Variants in EFHC2 observed in about 807,000 individuals in gnomAD.
EFHC2 encodes EF-hand domain-containing family member C2.
In EFHC2, 18 loss-of-function variants were observed where a neutral mutation model predicts 52.7. The observed-to-expected ratio is 0.34, with a 90% CI of 0.24 to 0.51. EFHC2 has a LOEUF of 0.51. EFHC2 is among the 20% of genes least tolerant of loss of function. The pLI, the probability that EFHC2 is intolerant of heterozygous loss-of-function variation, is 0.97. For missense variants in EFHC2, 513 were observed against 562.5 expected, an observed-to-expected ratio of 0.91 and a Z score of 0.89; for synonymous variants, 203 against 204.1, an observed-to-expected ratio of 0.99 and a Z score of 0.04.
intron 8 of EFHC2, among the ~76,000 whole-genome samples, chrX:44,241,466 C>T (rs1005628628): frequency 4.5e-5 from 5 of 112,181 alleles, no homozygotes; most frequent in African/African-American, 9.7e-5. Flanking sequence ...TTTAAAAACA[C>T]GTATAAATCC....
At chrX:44,242,914 A>G (rs1176769771) in intron 7 of EFHC2, among the ~76,000 whole-genome samples, 2 of 112,072 alleles carry the variant, frequency 1.8e-5, no homozygotes, top group African/African-American at 6.5e-5. Flanking sequence ...GTTAAGCCCA[A>G]GAAAAGACTA....
chrX:44,224,387 C>T (rs949967380), intron 11 of EFHC2, among the ~76,000 whole-genome samples: 17 of 112,002 alleles, frequency 1.5e-4, no homozygotes, highest in African/African-American at 5.5e-4. Flanking sequence ...TTACTATCCC[C>T]ATTTTACAGA....
At position 44,312,727 on chromosome X, in the gene EFHC2, T is replaced by C; in HGVS notation, c.72A>G (p.Gln24=). 8.3e-7 allele frequency: 1 copy of C among 1,204,486 alleles called. No individual in the cohort carries two copies. The highest frequency in any genetic ancestry group is 2.2e-5 in the Admixed American group (1 of 44,834). The change falls in exon 2 of 15, where the codon CAA becomes CAG. Residue 24 remains glutamine, a synonymous_variant. Coordinates refer to ENST00000420999, the MANE Select transcript of EFHC2 (RefSeq NM_025184.4). ...NVGKEKFHKS[Q]HWGFCNNVMM... ...TAACATTGTTGCAAAAGCCCCAATG[T>C]TGGGATTTGTGAAACTTCTCCTTTC...
At chrX:44,250,515 A>G in intron 4 of EFHC2, 70 bp from the exon 5 acceptor site, 1 of 1,081,073 alleles carries the variant, frequency 9.3e-7, no homozygotes, top group Non-Finnish European at 1.2e-6. Flanking sequence ...TACACAATCA[A>G]GTGACAAATA....
rs1272474162 is a variant in EFHC2, at chrX:44,312,765, A to G, written c.43-9T>C. 3.4e-6 allele frequency: 4 copies of G among 1,176,142 alleles called. No homozygotes were observed. The Admixed American group carries it at 7.6e-5, about 22-fold the overall frequency. On this transcript the variant is annotated splice_polypyrimidine_tract_variant and intron_variant, in intron 1 of 14. Coordinates refer to ENST00000420999, the MANE Select transcript of EFHC2 (RefSeq NM_025184.4). ...AACTTCTCCTTTCCCACCTGTGAAC[A>G]TAAGAGACAACATAAAATAGCCAAA...
chrX:44,237,011 C>T (rs765796840), intron 8 of EFHC2, among the ~76,000 whole-genome samples: 6 of 110,215 alleles, frequency 5.4e-5, no homozygotes, highest in Non-Finnish European at 1.1e-4. Context: ...GTTCAATATG[C>T]CTTTTTTTTT....
chrX:44,219,241 G>A (rs2037176334), intron 11 of EFHC2, among the ~76,000 whole-genome samples: 1 of 109,894 alleles, frequency 9.1e-6, no homozygotes, highest in Non-Finnish European at 1.9e-5. Context: ...GACTAGGATG[G>A]AGCATGAGGG....
intron 11 of EFHC2, among the ~76,000 whole-genome samples, chrX:44,218,199 ATAT>A (rs1174536735): frequency 9.0e-6 from 1 of 111,553 alleles, no homozygotes; most frequent in East Asian, 2.8e-4. Context: ...GTTAACTAAG[ATAT>A]TATTTTAGTG....
At chrX:44,186,933 C>A (rs1415638193) in intron 11 of EFHC2, among the ~76,000 whole-genome samples, 2 of 107,469 alleles carry the variant, frequency 1.9e-5, no homozygotes, top group Non-Finnish European at 3.8e-5. Context: ...ACCTGGGAAA[C>A]CTAATGAGAC....
chrX:44,223,515 T>TG (rs2037209737), intron 11 of EFHC2, among the ~76,000 whole-genome samples: 2 of 110,731 alleles, frequency 1.8e-5, no homozygotes, highest in Non-Finnish European at 3.8e-5. Flanking sequence ...CTTTTTTTTT[T>TG]GCTTAACTAG....
At chrX:44,150,452 G>A (rs186893407) in intron 14 of EFHC2, among the ~76,000 whole-genome samples, 6 of 111,808 alleles carry the variant, frequency 5.4e-5, no homozygotes, top group South Asian at 3.8e-4. Context: ...GTTAGAAGGA[G>A]AAGCTGGGGC....
At chrX:44,260,605 T>C (rs1020187831) in intron 4 of EFHC2, among the ~76,000 whole-genome samples, 1 of 111,942 alleles carries the variant, frequency 8.9e-6, no homozygotes, top group Non-Finnish European at 1.9e-5. Context: ...TGGCATCCAA[T>C]GCCATCCTAA....
intron 11 of EFHC2, among the ~76,000 whole-genome samples, chrX:44,223,617 T>G (rs925675944): frequency 1.8e-5 from 2 of 112,017 alleles, no homozygotes; most frequent in African/African-American, 6.5e-5. Context: ...ATCTCCATCT[T>G]TTTGATTCCC....
intron 1 of EFHC2, among the ~76,000 whole-genome samples, chrX:44,315,085 T>A (rs1305255122): frequency 1.8e-5 from 2 of 111,350 alleles, no homozygotes; most frequent in Non-Finnish European, 3.8e-5. Flanking sequence ...CCCTTAGTGA[T>A]AAATGAGTTG....
intron 2 of EFHC2, among the ~76,000 whole-genome samples, chrX:44,294,730 C>G (rs1405521636): frequency 9.0e-6 from 1 of 111,673 alleles, no homozygotes; most frequent in East Asian, 2.8e-4. Flanking sequence ...GGGAATAAGA[C>G]TATATGCAAA....
intron 7 of EFHC2, among the ~76,000 whole-genome samples, chrX:44,243,507 T>C (rs909031750): frequency 1.8e-5 from 2 of 111,827 alleles, no homozygotes; most frequent in African/African-American, 6.5e-5. Flanking sequence ...GGTTTTTGTT[T>C]TGTTTTGTTT....
At chrX:44,271,585 C>T (rs1399184800) in intron 3 of EFHC2, among the ~76,000 whole-genome samples, 1 of 110,929 alleles carries the variant, frequency 9.0e-6, no homozygotes, top group African/African-American at 3.3e-5. Flanking sequence ...CAAACAAACA[C>T]TCAAATCCTC....
chrX:44,310,928 G>A (rs974350352), intron 2 of EFHC2, among the ~76,000 whole-genome samples: 8 of 112,082 alleles, frequency 7.1e-5, no homozygotes, highest in African/African-American at 1.9e-4. Context: ...ATGACTTTTC[G>A]ACTTGAAATG....
chrX:44,161,415 C>A (rs140974303), intron 14 of EFHC2, among the ~76,000 whole-genome samples: 4 of 111,858 alleles, frequency 3.6e-5, no homozygotes, highest in Non-Finnish European at 7.5e-5. Flanking sequence ...TGGTTACCAG[C>A]GCCTGGAGTG....
Sources: gnomAD v4.1 joint callset for allele counts (sites outside exome capture counted in the v4.1 genomes callset) on GRCh38, gnomAD v4.1.1 for gene constraint, MANE v1.5 for transcripts, NCBI Gene and HGNC (gene_info 2026-07-23, HGNC 2026-07-21) for gene names.